Variants in SWT1 observed in about 807,000 individuals in gnomAD.
SWT1 encodes the protein SWT1 RNA endoribonuclease homolog.
Under a neutral mutation model 107.3 loss-of-function variants are expected in SWT1, and 33 were observed. That is an observed-to-expected ratio of 0.31 (90% confidence interval 0.23 to 0.41). The LOEUF is 0.41. Among genes scored for constraint, SWT1 ranks in the 10% least tolerant of loss-of-function variants. The pLI is 1.00. For missense variants in SWT1, 898 were observed against 1,028.9 expected (o/e 0.87, Z 1.74); for synonymous variants, 345 against 348.3 (o/e 0.99, Z 0.11).
At chr1:185,163,525 A>T (rs193036195) in intron 2 of SWT1, among the ~76,000 whole-genome samples, 147 of 151,338 alleles carry the variant, frequency 9.7e-4, no homozygotes, top group Middle Eastern at 6.8e-3. Flanking sequence ...TCCCAAGTAG[A>T]TGGGACTACA....
intron 16 of SWT1, chr1:185,264,265 G>A (rs1663230019): frequency 2.7e-6 from 2 of 742,976 alleles, no homozygotes; most frequent in Non-Finnish European, 3.3e-6. Context: ...GACATCTTTT[G>A]CTTTTCATTT....
At chr1:185,278,119 T>C (rs12136040) in intron 18 of SWT1, among the ~76,000 whole-genome samples, 78,974 of 151,992 alleles carry the variant, frequency 0.52, 22,026 homozygotes, top group African/African-American at 0.74. Flanking sequence ...TGAGCCACCA[T>C]GCCCAGCCGC....
intron 16 of SWT1, among the ~76,000 whole-genome samples, chr1:185,245,278 T>C (rs1373683894): frequency 2.6e-5 from 4 of 152,122 alleles, no homozygotes; most frequent in African/African-American, 4.8e-5. Context: ...TAAAAACTAA[T>C]ACACGAAACA....
At chr1:185,246,433 C>T (rs1661611848) in intron 16 of SWT1, among the ~76,000 whole-genome samples, 2 of 151,868 alleles carry the variant, frequency 1.3e-5, no homozygotes, top group Non-Finnish European at 1.5e-5. Flanking sequence ...TACCCTACCA[C>T]GCCCAGCTAA....
intron 16 of SWT1, among the ~76,000 whole-genome samples, chr1:185,234,679 G>A (rs1022558798): frequency 3.3e-5 from 5 of 152,100 alleles, no homozygotes; most frequent in African/African-American, 7.2e-5. Context: ...TTCTTTGCCC[G>A]TTAGTTGGTG....
intron 16 of SWT1, among the ~76,000 whole-genome samples, chr1:185,253,302 T>TTC (rs1662200206): frequency 6.6e-6 from 1 of 150,424 alleles, no homozygotes; most frequent in Non-Finnish European, 1.5e-5. Context: ...TAAAGTAGTT[T>TTC]TTTCCAATTC....
At chr1:185,207,100 A>G (rs1418664861) in intron 13 of SWT1, among the ~76,000 whole-genome samples, 1 of 152,252 alleles carries the variant, frequency 6.6e-6, no homozygotes, top group African/African-American at 2.4e-5. Flanking sequence ...AGATACACCA[A>G]TAGAATTAAT....
chr1:185,242,668 A>G (rs1184520021), intron 16 of SWT1, among the ~76,000 whole-genome samples: 1 of 152,206 alleles, frequency 6.6e-6, no homozygotes, highest in Non-Finnish European at 1.5e-5. Context: ...GCAATTAAAT[A>G]TAATATGAAG....
At chr1:185,239,930 A>G (rs1405558134) in intron 16 of SWT1, among the ~76,000 whole-genome samples, 1 of 152,082 alleles carries the variant, frequency 6.6e-6, no homozygotes, top group Admixed American at 6.6e-5. Context: ...TACTTTCTAT[A>G]TTGATCAAAA....
chr1:185,249,386 C>T (rs983764481), intron 16 of SWT1, among the ~76,000 whole-genome samples: 5 of 152,076 alleles, frequency 3.3e-5, no homozygotes, highest in East Asian at 1.9e-4. Context: ...TGAGAGATCT[C>T]GTGTGGCCAT....
intron 14 of SWT1, among the ~76,000 whole-genome samples, chr1:185,220,671 T>C (rs765267467): frequency 2.0e-5 from 3 of 152,170 alleles, no homozygotes; most frequent in Non-Finnish European, 1.5e-5. Flanking sequence ...ACTCAACATA[T>C]ACCTAAAAAA....
intron 4 of SWT1, chr1:185,171,794 C>T (rs772888899): frequency 2.2e-5 from 8 of 362,938 alleles, no homozygotes; most frequent in Non-Finnish European, 4.2e-5. Context: ...TCACTGCAGC[C>T]TCCAACTCTT....
chr1:185,265,121 A>G (rs1663281850), intron 16 of SWT1, among the ~76,000 whole-genome samples: 1 of 152,164 alleles, frequency 6.6e-6, no homozygotes, highest in African/African-American at 2.4e-5. Flanking sequence ...ACTTTTATCA[A>G]AAGTTTTTAT....
chr1:185,276,487 T>C, intron 17 of SWT1, 117 bp from the exon 18 acceptor site: 1 of 533,398 alleles, frequency 1.9e-6, no homozygotes. Context: ...TGTTTAATCC[T>C]TTTTATGCAA....
At chr1:185,179,129 G>A (rs1655814564) in intron 5 of SWT1, among the ~76,000 whole-genome samples, 1 of 152,006 alleles carries the variant, frequency 6.6e-6, no homozygotes, top group Admixed American at 6.6e-5. Context: ...AAATTAGCTG[G>A]GTATGGTGGC....
At chr1:185,287,506 G>A (rs1006581269) in intron 18 of SWT1, among the ~76,000 whole-genome samples, 2 of 151,990 alleles carry the variant, frequency 1.3e-5, no homozygotes, top group African/African-American at 4.8e-5. Flanking sequence ...TTTATTTTAG[G>A]CAGACTCAGG....
At chr1:185,205,189 A>G (rs1366838842) in intron 12 of SWT1, among the ~76,000 whole-genome samples, 1 of 152,170 alleles carries the variant, frequency 6.6e-6, no homozygotes, top group African/African-American at 2.4e-5. Flanking sequence ...AATATAAGGA[A>G]TCTCTCTAGC....
At chr1:185,274,723 C>G (rs1664125757) in intron 17 of SWT1, among the ~76,000 whole-genome samples, 1 of 152,130 alleles carries the variant, frequency 6.6e-6, no homozygotes, top group African/African-American at 2.4e-5. Context: ...AGTCACAACT[C>G]TAATGTTTGC....
chr1:185,159,549 C>A (rs112528110), intron 1 of SWT1, among the ~76,000 whole-genome samples: 1,639 of 152,114 alleles, frequency 0.011, 26 homozygotes, highest in African/African-American at 0.038. Context: ...AGAATTCACT[C>A]ATTTATTCAC....
Sources: allele counts gnomAD v4.1 joint callset (sites outside exome capture counted in the v4.1 genomes callset), GRCh38; gene constraint gnomAD v4.1.1; transcripts MANE v1.5; gene names NCBI Gene and HGNC (gene_info 2026-07-23, HGNC 2026-07-21).